Variants in RASA1 observed in about 807,000 individuals in gnomAD.
RASA1 encodes the protein ras GTPase-activating protein 1.
A neutral mutation model predicts 132.2 loss-of-function variants in RASA1; 25 were observed. The observed-to-expected ratio is 0.19, with a 90% CI of 0.14 to 0.26. RASA1 has a LOEUF of 0.26. Among genes scored for constraint, RASA1 ranks in the 10% least tolerant of loss-of-function variants. The pLI is 1.00. For missense variants in RASA1, 964 were observed against 1,299.2 expected (o/e 0.74, Z 3.97); for synonymous variants, 477 against 449.9 (o/e 1.06, Z -0.76).
Position 87,370,622 on chromosome 5 carries a change from T to C in RASA1, c.1698+722T>C, listed in dbSNP as rs959837427. ...GTTACAGTGAGTAAGATCGAGACAC[T>C]GTAAGCCAGCCTAGGCAACAAACTG... On this transcript the variant is annotated intron_variant, in intron 12 of 24. Coordinates refer to ENST00000274376, the MANE Select transcript of RASA1 (RefSeq NM_002890.3). 2.6e-5 allele frequency among the ~76,000 whole-genome samples: 4 copies of C among 152,138 alleles called. No homozygotes were observed. The South Asian group carries it at 8.3e-4, about 31-fold the overall frequency.
chr5:87,347,145 A>G (rs180949052), intron 7 of RASA1, among the ~76,000 whole-genome samples: 1 of 152,106 alleles, frequency 6.6e-6, no homozygotes, highest in African/African-American at 2.4e-5. Context: ...TTATGGATTT[A>G]AACTTTTCAT....
chr5:87,270,707 A>G (rs1217423610), intron 1 of RASA1, among the ~76,000 whole-genome samples: 1 of 124,158 alleles, frequency 8.1e-6, no homozygotes, highest in African/African-American at 3.2e-5. Flanking sequence ...TGGAGCATTT[A>G]GAAAGTTCTG....
intron 1 of RASA1, among the ~76,000 whole-genome samples, chr5:87,316,534 G>T (rs915273183): frequency 6.6e-6 from 1 of 151,924 alleles, no homozygotes; most frequent in African/African-American, 2.4e-5. Context: ...TATTTCATGT[G>T]TCAGGATTGC....
rs765793195 is a variant in RASA1 at position 87,268,528 on chromosome 5, G to A, written c.77G>A (p.Gly26Asp). Residue 26 changes from glycine to aspartate, a missense_variant, in exon 1 of 25, where the codon GGC (glycine) becomes GAC (aspartate). By Grantham distance (94) the Gly-to-Asp change is moderately conservative. Coordinates refer to ENST00000274376, the MANE Select transcript of RASA1 (RefSeq NM_002890.3). ...AGAGGGGAAA[G>D]SSAYPAVCRV... ...GCTGGAGGAGGCGGCGCGGCAGCGG[G>A]CTCCAGTGCCTATCCCGCAGTGTGT... The A allele has an allele frequency of 6.3e-7, 1 of 1,590,122 alleles. No homozygotes were observed. The highest frequency in any genetic ancestry group is 2.3e-5 in the East Asian group (1 of 43,996).
At chr5:87,305,259 C>A (rs1485901916) in intron 1 of RASA1, among the ~76,000 whole-genome samples, 2 of 152,146 alleles carry the variant, frequency 1.3e-5, no homozygotes, top group Non-Finnish European at 1.5e-5. Flanking sequence ...TACCACAGAG[C>A]TCCTGTAACC....
chr5:87,362,568 CA>C lies in RASA1; in HGVS notation c.1352del (p.Asn451MetfsTer32). Reference protein sequence around the residue: ...VPMQDQEQVLNDTVDGKEIYN... With the variant: ...VPMQDQEQVLXDTVDGKEIYN... ...AAATTCAGGATCAAGAACAAGTACTCAATGACACAGTGGATGGCAAGGAAAT... is the reference window on the plus strand; with the variant it reads ...AAATTCAGGATCAAGAACAAGTACTCATGACACAGTGGATGGCAAGGAAAT... On this transcript the variant is annotated frameshift_variant, in exon 10 of 25. Transcript: ENST00000274376. LOFTEE classifies it high-confidence loss of function. 6.3e-7 allele frequency: 1 copy of C among 1,592,900 alleles called. No individual in the cohort carries two copies. The highest frequency in any genetic ancestry group is 8.6e-7 in the Non-Finnish European group (1 of 1,161,076).
At chr5:87,368,381 A>G (rs1760682917) in intron 11 of RASA1, among the ~76,000 whole-genome samples, 1 of 152,130 alleles carries the variant, frequency 6.6e-6, no homozygotes, top group Non-Finnish European at 1.5e-5. Context: ...ATTACTTGAA[A>G]GTCTTGTCTG....
At chr5:87,304,714 C>T (rs139610408) in intron 1 of RASA1, among the ~76,000 whole-genome samples, 23 of 152,180 alleles carry the variant, frequency 1.5e-4, no homozygotes, top group East Asian at 9.7e-4. Context: ...GTGATCCACC[C>T]GCATCTGCCT....
At chr5:87,279,963 C>CA (rs775261779) in intron 1 of RASA1, among the ~76,000 whole-genome samples, 21 of 152,356 alleles carry the variant, frequency 1.4e-4, no homozygotes, top group Non-Finnish European at 2.4e-4. Flanking sequence ...CTGAGACCCC[C>CA]AGGGAGGCTG....
chr5:87,388,806 T>C (rs1470400904), intron 23 of RASA1, among the ~76,000 whole-genome samples: 1 of 152,150 alleles, frequency 6.6e-6, no homozygotes, highest in African/African-American at 2.4e-5. Flanking sequence ...AATAATGAAA[T>C]TTCATCTAGG....
chr5:87,268,342 T>C lies in RASA1; in HGVS notation c.-110T>C. 2 of 1,285,660 alleles carry C rather than the reference T, an allele frequency of 1.6e-6. No homozygotes were observed. Among genetic ancestry groups the C allele is most frequent in the Non-Finnish European group, 2.1e-6 (2 of 961,352 alleles). The allele number at this position is 1,285,660 out of a possible 1,614,324, so 79.6% of individuals were successfully genotyped here. The stretch of plus-strand genomic sequence containing the variant: ...TCCTTTTGTTGTTGTTTCCTCAGCC[T>C]GGGGAGCTGAAGGGGAGACGCGTCT... On this transcript the variant is annotated 5_prime_UTR_variant, in exon 1 of 25. Transcript: ENST00000274376.
intron 21 of RASA1, 25 bp downstream of exon 21, chr5:87,383,805 A>T (rs1199196651): frequency 6.4e-7 from 1 of 1,571,180 alleles, no homozygotes; most frequent in Non-Finnish European, 8.7e-7. Flanking sequence ...ATACATTTTG[A>T]AATTCAAAAT....
Position 87,268,636 on chromosome 5 carries a change from G to T in RASA1, c.185G>T (p.Gly62Val). The change falls in exon 1 of 25, where the codon GGT (glycine) becomes GTT (valine). Residue 62 changes from glycine (G) to valine (V), a missense_variant. Around this residue, in one of 6 missense-constraint regions of RASA1, gnomAD observed 326 missense variants for 275.8 expected, o/e 1.18. Coordinates refer to ENST00000274376, the MANE Select transcript of RASA1 (RefSeq NM_002890.3). The stretch of plus-strand genomic sequence containing the variant: ...GAGACCGGAGTGGCTGGAACTCTGG[G>T]TGGCGGAGCCGCTTTGGGGTCAGAG... ...LVETGVAGTLGGGAALGSEFL... is the reference protein window; with the variant it reads ...LVETGVAGTLVGGAALGSEFL... The T allele has an allele frequency of 6.2e-7, 1 of 1,611,648 alleles. No homozygotes were observed. Among genetic ancestry groups the T allele is most frequent in the Non-Finnish European group, 8.5e-7 (1 of 1,179,354 alleles).
chr5:87,326,749 G>A (rs966193583), intron 1 of RASA1, among the ~76,000 whole-genome samples: 4 of 152,122 alleles, frequency 2.6e-5, no homozygotes, highest in African/African-American at 9.7e-5. Context: ...GAGTTGCCAG[G>A]TGAAATAGAA....
chr5:87,380,781 C>T (rs1761656116), intron 20 of RASA1, among the ~76,000 whole-genome samples, 186 bp downstream of exon 20: 1 of 152,146 alleles, frequency 6.6e-6, no homozygotes, highest in South Asian at 2.1e-4. Flanking sequence ...CTGCCGTTTG[C>T]ATTTTCTAAA....
chr5:87,391,129 TG>T lies in RASA1; in HGVS notation c.*248del, dbSNP rs1470871988. 5 of 595,932 alleles carry T rather than the reference TG, an allele frequency of 8.4e-6. No individual in the cohort carries two copies. In the East Asian group the frequency reaches 1.4e-4, roughly 17 times the overall value. 36.9% of individuals were successfully genotyped at this position (595,932 alleles called of 1,614,324 possible). On this transcript the variant is annotated 3_prime_UTR_variant, in exon 25 of 25. Transcript: ENST00000274376. ...TCAATCTTTAACAACCTCTGAGCCT[TG>T]GTGTACAGACCACCTTTCACAAAAC...
intron 1 of RASA1, among the ~76,000 whole-genome samples, chr5:87,308,464 G>C (rs1021070272): frequency 1.3e-5 from 2 of 151,672 alleles, no homozygotes; most frequent in East Asian, 3.9e-4. Flanking sequence ...AGCAGTTCTT[G>C]ATTGGAGATT....
chr5:87,362,890 TTTTCTTTC>T (rs547648090), intron 10 of RASA1, among the ~76,000 whole-genome samples: 8 of 151,654 alleles, frequency 5.3e-5, no homozygotes, highest in African/African-American at 1.4e-4. Context: ...TGGTTTCTTT[TTTTCTTTC>T]TTTCTTTCTT....
chr5:87,271,405 G>C (rs1251532088), intron 1 of RASA1, among the ~76,000 whole-genome samples: 4 of 142,824 alleles, frequency 2.8e-5, no homozygotes, highest in Admixed American at 2.8e-4. Context: ...ACTAAATTAG[G>C]TATATTTAGG....
Sources: gnomAD v4.1 joint callset for allele counts (sites outside exome capture counted in the v4.1 genomes callset) on GRCh38, gnomAD v4.1.1 for gene constraint, gnomAD v4.1.1 regional missense constraint, MANE v1.5 for transcripts, NCBI Gene and HGNC (gene_info 2026-07-23, HGNC 2026-07-21) for gene names.